BMP1: variants seen among roughly 807,000 people sequenced by gnomAD.
BMP1 encodes mammalian tolloid protein.
In BMP1, 63 loss-of-function variants were observed where a neutral mutation model predicts 116.8. The ratio of observed to expected loss-of-function variants is 0.54; its 90% confidence interval spans 0.44 to 0.67. BMP1 has a LOEUF of 0.67. BMP1 is among the 30% of genes least tolerant of loss of function. BMP1 has a pLI of 0.00. For missense variants in BMP1, 1,183 were observed against 1,358.9 expected, an observed-to-expected ratio of 0.87 and a Z score of 2.04; for synonymous variants, 536 against 533.4, an observed-to-expected ratio of 1.00 and a Z score of -0.07.
chr8:22,201,767 C>A, intron 15 of BMP1, 36 bp from the exon 16 acceptor site: 12 of 1,609,954 alleles, frequency 7.5e-6, no homozygotes, highest in Non-Finnish European at 9.3e-6. Flanking sequence ...CAGCCCTGCA[C>A]AGACCCAGCG....
At chr8:22,202,598 A>G (rs1829287478) in intron 16 of BMP1, among the ~76,000 whole-genome samples, 1 of 152,264 alleles carries the variant, frequency 6.6e-6, no homozygotes. Flanking sequence ...CTGTAATCCC[A>G]GCACTTTGGG....
At chr8:22,186,695 G>A (rs1165967046) in intron 8 of BMP1, among the ~76,000 whole-genome samples, 1 of 151,774 alleles carries the variant, frequency 6.6e-6, no homozygotes, top group Non-Finnish European at 1.5e-5. Flanking sequence ...TTGAACTCCT[G>A]ACCTCAGGTG....
chr8:22,193,562 T>A (rs1347586735), intron 9 of BMP1, among the ~76,000 whole-genome samples: 1 of 152,220 alleles, frequency 6.6e-6, no homozygotes, highest in Non-Finnish European at 1.5e-5. Flanking sequence ...GGTGGGTGGA[T>A]CACCTGAGGT....
chr8:22,176,324 T>C lies in BMP1; in HGVS notation c.433+11T>C, dbSNP rs966602041. On this transcript the variant is annotated intron_variant, in intron 3 of 19. Transcript: ENST00000306385. ...GGGGAAACTTCACTGGTGAGCGTGC[T>C]ATTGTGGGTCCCAGAGTGTAACCAG... The C allele has an allele frequency of 2.5e-6, 4 of 1,583,912 alleles. No individual in the cohort carries two copies. The African/African-American group carries it at 4.0e-5, about 16-fold the overall frequency.
In BMP1 at chr8:22,206,953, C is replaced by T; in HGVS notation, c.2333C>T (p.Ser778Phe). The T allele has an allele frequency of 1.2e-6, 2 of 1,614,204 alleles. No homozygotes were observed. Among genetic ancestry groups the T allele is most frequent in the South Asian group, 2.2e-5 (2 of 91,084 alleles). The change falls in exon 17 of 20, where the codon TCC becomes TTC. Residue 778 changes from serine (S) to phenylalanine (F), a missense_variant. Ser to Phe is a radical substitution (Grantham distance 155). Transcript: ENST00000306385. ...AAGAAGGAGTGCACGTGGGCCATCT[C>T]CAGCACCCCCGGGCACCGGGTCAAG... ...PSKKECTWAI[S>F]STPGHRVKLT...
intron 16 of BMP1, among the ~76,000 whole-genome samples, chr8:22,205,618 C>T (rs7814885): frequency 0.12 from 18,560 of 151,630 alleles, 1,209 homozygotes; most frequent in East Asian, 0.23. Context: ...CTACAACAAG[C>T]AAAAATGAAA....
intron 18 of BMP1, among the ~76,000 whole-genome samples, chr8:22,207,745 G>T (rs1365411993): frequency 1.3e-5 from 2 of 152,224 alleles, no homozygotes; most frequent in African/African-American, 4.8e-5. Context: ...CAGGAGAGGT[G>T]AGGGAACTCA....
At chr8:22,165,622 G>A (rs1015688476) in intron 1 of BMP1, 69 bp downstream of exon 1, 5 of 1,473,966 alleles carry the variant, frequency 3.4e-6, no homozygotes, top group Non-Finnish European at 4.5e-6. Context: ...GCTTGGGGTT[G>A]GGGGAGGACA....
chr8:22,204,687 C>G (rs1440642746), intron 16 of BMP1, among the ~76,000 whole-genome samples: 2 of 152,152 alleles, frequency 1.3e-5, no homozygotes, highest in East Asian at 3.9e-4. Context: ...CGCGCCACTT[C>G]ACTCCAGCCT....
intron 1 of BMP1, 147 bp downstream of exon 1, chr8:22,165,700 A>T: frequency 6.8e-5 from 28 of 414,628 alleles, no homozygotes; most frequent in Non-Finnish European, 8.8e-5. Flanking sequence ...CGAGGGGGAG[A>T]GGGAGGGGGA....
intron 18 of BMP1, among the ~76,000 whole-genome samples, chr8:22,209,118 C>A (rs183434794): frequency 6.6e-6 from 1 of 152,228 alleles, no homozygotes; most frequent in African/African-American, 2.4e-5. Context: ...ACACTGGGCC[C>A]ACATTCTTCC....
intron 8 of BMP1, among the ~76,000 whole-genome samples, chr8:22,182,153 C>G (rs181322480): frequency 1.3e-5 from 2 of 152,196 alleles, no homozygotes; most frequent in Non-Finnish European, 2.9e-5. Context: ...CAGCGTTGAG[C>G]TGGATTCAAT....
At chr8:22,205,426 G>A (rs746693187) in intron 16 of BMP1, among the ~76,000 whole-genome samples, 2 of 152,262 alleles carry the variant, frequency 1.3e-5, no homozygotes, top group East Asian at 1.9e-4. Flanking sequence ...TAAGTCAATC[G>A]AGGAGGAAAT....
intron 8 of BMP1, among the ~76,000 whole-genome samples, chr8:22,182,722 C>T (rs796096890): frequency 4.6e-5 from 7 of 152,318 alleles, no homozygotes; most frequent in South Asian, 2.1e-4. Context: ...TGGGGATTGA[C>T]GTTTGGCCCA....
At chr8:22,201,648 T>C in intron 15 of BMP1, 155 bp from the exon 16 acceptor site, 1 of 1,392,122 alleles carries the variant, frequency 7.2e-7, no homozygotes. Flanking sequence ...CCTTGTCGCC[T>C]GGCCTCCCAC....
intron 18 of BMP1, 145 bp from the exon 19 acceptor site, chr8:22,209,300 G>A (rs571429281): frequency 4.4e-6 from 6 of 1,369,950 alleles, no homozygotes; most frequent in Non-Finnish European, 5.9e-6. Flanking sequence ...CAATGTTCTG[G>A]GCCAGGCCCC....
intron 16 of BMP1, among the ~76,000 whole-genome samples, chr8:22,204,482 G>A (rs187538646): frequency 1.6e-3 from 248 of 152,312 alleles, no homozygotes; most frequent in African/African-American, 5.8e-3. Context: ...CAGCACTTTG[G>A]GAAGCTGATG....
chr8:22,202,628 G>A (rs1427298346), intron 16 of BMP1, among the ~76,000 whole-genome samples: 1 of 152,126 alleles, frequency 6.6e-6, no homozygotes, highest in African/African-American at 2.4e-5. Context: ...CAGGAGGATC[G>A]CTTGAGCTCA....
chr8:22,179,789 G>A lies in BMP1; in HGVS notation c.921G>A (p.Lys307=). ...PPIGQRTRLS[K]GDIAQARKLY... ...TTGGCCAAAGGACACGGCTCAGCAA[G>A]GGGGACATTGCCCAAGCCCGCAAGC... The change falls in exon 7 of 20, where the codon AAG becomes AAA. Residue 307 remains lysine (K), a synonymous_variant. Transcript: ENST00000306385. This position sits in a 1 kb window ranked among gnomAD's most constrained non-coding sequence, Gnocchi z 4.6. 1 of 1,614,142 alleles carries A rather than the reference G, an allele frequency of 6.2e-7. No individual in the cohort carries two copies. Among genetic ancestry groups the A allele is most frequent in the African/African-American group, 1.3e-5 (1 of 75,056 alleles).
Sources: allele counts gnomAD v4.1 joint callset (sites outside exome capture counted in the v4.1 genomes callset), GRCh38; gene constraint gnomAD v4.1.1; non-coding constraint Gnocchi (gnomAD v3.1); transcripts MANE v1.5; gene names NCBI Gene and HGNC (gene_info 2026-07-23, HGNC 2026-07-21).